Variants in TLL1 observed in about 807,000 individuals in gnomAD.
The protein encoded by TLL1 is tolloid like 1.
Under a neutral mutation model 128.2 loss-of-function variants are expected in TLL1, and 49 were observed. The ratio of observed to expected loss-of-function variants is 0.38; its 90% confidence interval spans 0.30 to 0.48. TLL1 has a LOEUF of 0.48. Ranked by LOEUF, TLL1 falls within the 20% of genes least tolerant of loss-of-function variation. The pLI, the probability that TLL1 is intolerant of heterozygous loss-of-function variation, is 0.96. For synonymous variants in TLL1, 454 were observed against 418.8 expected (o/e 1.08, Z -1.03); for missense variants, 1,123 against 1,242.0 (o/e 0.90, Z 1.44).
chr4:165,987,880 G>T (rs1466294852), intron 1 of TLL1, among the ~76,000 whole-genome samples: 1 of 152,038 alleles, frequency 6.6e-6, no homozygotes, highest in African/African-American at 2.4e-5. Flanking sequence ...TAAATCCAAT[G>T]AAAGACAGTA....
At chr4:166,003,832 A>G (rs1040027328) in intron 6 of TLL1, among the ~76,000 whole-genome samples, 4 of 151,980 alleles carry the variant, frequency 2.6e-5, no homozygotes, top group African/African-American at 7.2e-5. Context: ...GGTGCTTTCC[A>G]AGAATGAGTG....
At chr4:166,085,726 G>T (rs983017605) in intron 18 of TLL1, among the ~76,000 whole-genome samples, 1 of 151,992 alleles carries the variant, frequency 6.6e-6, no homozygotes, top group Non-Finnish European at 1.5e-5. Flanking sequence ...AGTGATACTG[G>T]TCTTCAGGTT....
chr4:166,028,619 C>T (rs1185920326), intron 9 of TLL1, among the ~76,000 whole-genome samples: 1 of 151,878 alleles, frequency 6.6e-6, no homozygotes, highest in Non-Finnish European at 1.5e-5. Context: ...CTCTTCATAG[C>T]CTTGTTAATT....
At chr4:165,971,901 T>A (rs1278679377) in intron 1 of TLL1, among the ~76,000 whole-genome samples, 1 of 152,122 alleles carries the variant, frequency 6.6e-6, no homozygotes, top group Non-Finnish European at 1.5e-5. Flanking sequence ...TCCAGAAAAA[T>A]TACAGTTTTG....
chr4:165,889,335 A>G (rs1731294759), intron 1 of TLL1, among the ~76,000 whole-genome samples: 1 of 152,244 alleles, frequency 6.6e-6, no homozygotes, highest in Non-Finnish European at 1.5e-5. Context: ...TAATAATCAA[A>G]CTACTATTTG....
chr4:165,985,671 G>T (rs1736362865), intron 1 of TLL1, among the ~76,000 whole-genome samples: 1 of 151,974 alleles, frequency 6.6e-6, no homozygotes, highest in South Asian at 2.1e-4. Flanking sequence ...ATTTTTTAAA[G>T]TTAAGGCCTA....
chr4:165,953,275 C>T (rs1276451424), intron 1 of TLL1, among the ~76,000 whole-genome samples: 7 of 152,020 alleles, frequency 4.6e-5, no homozygotes, highest in East Asian at 1.9e-4. Context: ...TGTTGTTGTT[C>T]GGGTTGTTGC....
chr4:166,058,838 T>C (rs1355234461), intron 14 of TLL1, among the ~76,000 whole-genome samples: 2 of 152,118 alleles, frequency 1.3e-5, no homozygotes, highest in Non-Finnish European at 2.9e-5. Flanking sequence ...ATAGAGGATA[T>C]AATAAGTGGC....
chr4:165,994,314 T>G, intron 3 of TLL1, 67 bp from the exon 4 acceptor site: 2 of 1,595,316 alleles, frequency 1.3e-6, no homozygotes, highest in Non-Finnish European at 1.7e-6. Flanking sequence ...ACTTTTGTCC[T>G]TTAAGAGGTA....
At chr4:165,929,891 T>C (rs1733439211) in intron 1 of TLL1, among the ~76,000 whole-genome samples, 1 of 152,206 alleles carries the variant, frequency 6.6e-6, no homozygotes, top group African/African-American at 2.4e-5. Context: ...ATTTTTCCAC[T>C]CTTGATATCA....
intron 1 of TLL1, among the ~76,000 whole-genome samples, chr4:165,905,736 C>A (rs1732218832): frequency 6.6e-6 from 1 of 152,098 alleles, no homozygotes; most frequent in South Asian, 2.1e-4. Flanking sequence ...GAGCATAGAA[C>A]AATTAAGAGT....
intron 4 of TLL1, 40 bp downstream of exon 4, chr4:165,994,573 A>C: frequency 6.2e-7 from 1 of 1,606,700 alleles, no homozygotes; most frequent in South Asian, 1.1e-5. Flanking sequence ...TAAAGAAATA[A>C]AAACTATCAT....
At chr4:165,900,870 C>T (rs995408038) in intron 1 of TLL1, among the ~76,000 whole-genome samples, 2 of 152,132 alleles carry the variant, frequency 1.3e-5, no homozygotes, top group Admixed American at 1.3e-4. Flanking sequence ...CTTTCAGGTA[C>T]AGCAATCAAA....
intron 8 of TLL1, among the ~76,000 whole-genome samples, chr4:166,024,970 A>G (rs1182548886): frequency 1.3e-5 from 2 of 152,202 alleles, no homozygotes; most frequent in Non-Finnish European, 2.9e-5. Flanking sequence ...TCCCAGAGCC[A>G]TATCGTCCAG....
At chr4:166,060,649 T>C (rs1184892140) in intron 15 of TLL1, among the ~76,000 whole-genome samples, 1 of 152,206 alleles carries the variant, frequency 6.6e-6, no homozygotes, top group Non-Finnish European at 1.5e-5. Context: ...GAAGGAAAGA[T>C]TAATTTTTTA....
chr4:166,098,427 A>G (rs1742129010), intron 19 of TLL1, among the ~76,000 whole-genome samples: 1 of 151,812 alleles, frequency 6.6e-6, no homozygotes. Context: ...AATTATACTA[A>G]CTAAAAGGTT....
chr4:166,022,245 A>G (rs1338924110), intron 8 of TLL1, among the ~76,000 whole-genome samples: 1 of 151,326 alleles, frequency 6.6e-6, no homozygotes, highest in East Asian at 2.0e-4. Flanking sequence ...GCTTACTGCA[A>G]TCTCTGCCTC....
chr4:165,881,105 G>A lies in TLL1; in HGVS notation c.169+7032G>A, dbSNP rs528004380. On this transcript the variant is annotated intron_variant, in intron 1 of 20. Transcript: ENST00000061240. ...TATGGTATTTTGTGTTTCGTATTCA[G>A]ATTAAAGATAATTAAGTATATGCCT... 3.3e-5 allele frequency among the ~76,000 whole-genome samples: 5 copies of A among 152,234 alleles called. No homozygotes were observed. In the South Asian group the frequency reaches 1.0e-3, roughly 32 times the overall value.
At chr4:166,032,553 C>A (rs1479129264) in intron 9 of TLL1, among the ~76,000 whole-genome samples, 1 of 152,028 alleles carries the variant, frequency 6.6e-6, no homozygotes, top group Non-Finnish European at 1.5e-5. Flanking sequence ...CTGTCATATA[C>A]TTGTAAGGAT....
Sources: allele counts gnomAD v4.1 joint callset (sites outside exome capture counted in the v4.1 genomes callset), GRCh38; gene constraint gnomAD v4.1.1; transcripts MANE v1.5; gene names NCBI Gene and HGNC (gene_info 2026-07-23, HGNC 2026-07-21).